The following IL1R1 variants were observed in gnomAD, a reference collection of about 807,000 sequenced individuals.
IL1R1 encodes interleukin-1 receptor type 1.
IL1R1 carries 22 observed loss-of-function variants against 50.2 expected under a neutral mutation model. That is an observed-to-expected ratio of 0.44 (90% CI 0.31 to 0.63). The LOEUF (loss-of-function observed/expected upper bound fraction) is 0.63. Ranked by LOEUF, IL1R1 falls within the 20% of genes least tolerant of loss-of-function variation. The probability of loss-of-function intolerance (pLI) is 0.07; values close to 1 mark genes in which losing one functional copy is unlikely to be tolerated. For missense variants in IL1R1, 509 were observed against 676.2 expected (o/e 0.75, Z 2.74); for synonymous variants, 251 against 236.7 (o/e 1.06, Z -0.55).
intron 1 of IL1R1, among the ~76,000 whole-genome samples, chr2:102,129,352 G>T (rs542198182): frequency 2.6e-5 from 4 of 152,300 alleles, no homozygotes; most frequent in Non-Finnish European, 5.9e-5. Flanking sequence ...ATGGTTATAA[G>T]CATTAAATGT....
At chr2:102,143,972 G>A (rs1302906052) in intron 1 of IL1R1, among the ~76,000 whole-genome samples, 1 of 152,214 alleles carries the variant, frequency 6.6e-6, no homozygotes, top group Non-Finnish European at 1.5e-5. Context: ...TGTCTCAGTC[G>A]CTGCGGTTTG....
At chr2:102,161,866 AT>A (rs552328320) in intron 3 of IL1R1, among the ~76,000 whole-genome samples, 2 of 151,116 alleles carry the variant, frequency 1.3e-5, no homozygotes, top group Admixed American at 6.6e-5. Flanking sequence ...CACCTGGCTG[AT>A]TTTTTTTGTA....
In IL1R1 at chr2:102,172,475, C is replaced by G. The variant is rs1032557663; in HGVS notation, c.840-212C>G. 8.4e-6 allele frequency: 10 copies of G among 1,190,082 alleles called. No homozygotes were observed. In the African/African-American group the frequency reaches 9.4e-5, roughly 11 times the overall value. The allele number at this position is 1,190,082 out of a possible 1,614,324, so 73.7% of individuals were successfully genotyped here. ...GGAAGTGGTAATTTTTTTGCTTTCTCTGCTACTGAGCCTGTTACTGACAGT... is the reference window on the plus strand; with the variant it reads ...GGAAGTGGTAATTTTTTTGCTTTCTGTGCTACTGAGCCTGTTACTGACAGT... On this transcript the variant is annotated intron_variant, in intron 8 of 11. Coordinates refer to ENST00000410023, the MANE Select transcript of IL1R1 (RefSeq NM_000877.4).
At chr2:102,072,483 G>A (rs536247254) in intron 1 of IL1R1, among the ~76,000 whole-genome samples, 4 of 152,218 alleles carry the variant, frequency 2.6e-5, no homozygotes, top group South Asian at 4.2e-4. Context: ...ATTAGAAATC[G>A]TTTAGTCTCT....
intron 1 of IL1R1, among the ~76,000 whole-genome samples, chr2:102,077,036 T>C (rs913630442): frequency 7.2e-5 from 11 of 152,146 alleles, no homozygotes; most frequent in African/African-American, 2.4e-4. Context: ...TTGCCATGTC[T>C]TGAAATTTAC....
chr2:102,125,418 T>G (rs889390786), intron 1 of IL1R1, among the ~76,000 whole-genome samples: 1 of 152,184 alleles, frequency 6.6e-6, no homozygotes, highest in African/African-American at 2.4e-5. Context: ...CTTGATAAAC[T>G]TATTATTGTT....
chr2:102,087,662 T>C (rs1679486185), intron 1 of IL1R1, among the ~76,000 whole-genome samples: 1 of 152,160 alleles, frequency 6.6e-6, no homozygotes, highest in Non-Finnish European at 1.5e-5. Context: ...TCCCCCTTGC[T>C]CTCTCTCCGT....
chr2:102,113,022 G>C (rs969689852), intron 1 of IL1R1, among the ~76,000 whole-genome samples: 1 of 152,080 alleles, frequency 6.6e-6, no homozygotes, highest in Non-Finnish European at 1.5e-5. Context: ...ACCAGACACC[G>C]GATCTGTCAG....
chr2:102,095,108 G>C (rs926385113), intron 1 of IL1R1, among the ~76,000 whole-genome samples: 2 of 152,126 alleles, frequency 1.3e-5, no homozygotes, highest in Non-Finnish European at 2.9e-5. Context: ...TCAGCTTTAG[G>C]CCCCTCCCCC....
chr2:102,134,157 G>T (rs569079613), intron 1 of IL1R1, among the ~76,000 whole-genome samples: 1 of 152,268 alleles, frequency 6.6e-6, no homozygotes, highest in Admixed American at 6.5e-5. Context: ...TGAAAAACAG[G>T]AATAAATCTG....
chr2:102,075,230 T>C (rs1678908551), intron 1 of IL1R1, among the ~76,000 whole-genome samples: 2 of 152,176 alleles, frequency 1.3e-5, no homozygotes, highest in African/African-American at 4.8e-5. Flanking sequence ...TCTGATCTCA[T>C]CCAATCCAGA....
At chr2:102,148,397 A>C (rs186819650) in intron 1 of IL1R1, among the ~76,000 whole-genome samples, 3 of 152,310 alleles carry the variant, frequency 2.0e-5, no homozygotes, top group Non-Finnish European at 4.4e-5. Flanking sequence ...AGAGATTATT[A>C]TGGACATTTA....
chr2:102,143,110 C>G (rs901600498), intron 1 of IL1R1, 90 bp downstream of exon 1: 2 of 152,450 alleles, frequency 1.3e-5, no homozygotes, highest in African/African-American at 4.8e-5. Flanking sequence ...TGCAGGACGC[C>G]GTGAGCGTCC....
chr2:102,151,160 A>G (rs567349580), intron 1 of IL1R1, among the ~76,000 whole-genome samples: 3 of 152,204 alleles, frequency 2.0e-5, no homozygotes, highest in African/African-American at 2.4e-5. Context: ...CTCTAGTCCT[A>G]TTCCTGTAGT....
At chr2:102,170,796 C>A (rs750303542) in intron 7 of IL1R1, among the ~76,000 whole-genome samples, 1 of 152,192 alleles carries the variant, frequency 6.6e-6, no homozygotes, top group East Asian at 1.9e-4. Context: ...CGTGGTGGCT[C>A]AAGCCTGTAA....
upstream of IL1R1, among the ~76,000 whole-genome samples, chr2:102,140,791 G>C (rs532613838): frequency 3.9e-5 from 6 of 152,258 alleles, no homozygotes; most frequent in Non-Finnish European, 5.9e-5. Flanking sequence ...CTGAGTGAGG[G>C]AGAAGGTGAC....
chr2:102,109,619 T>C (rs1383038916), intron 1 of IL1R1, among the ~76,000 whole-genome samples: 1 of 152,188 alleles, frequency 6.6e-6, no homozygotes, highest in Non-Finnish European at 1.5e-5. Context: ...ACCCCTCAAC[T>C]TGGGGATCAG....
chr2:102,124,579 C>T (rs971071796), intron 1 of IL1R1, among the ~76,000 whole-genome samples: 15 of 152,042 alleles, frequency 9.9e-5, no homozygotes, highest in Admixed American at 8.5e-4. Flanking sequence ...TGGTGGCAGG[C>T]GGGAGAAGTG....
At chr2:102,078,562 TCACACACACACACACA>T (rs35407722) in intron 1 of IL1R1, among the ~76,000 whole-genome samples, 1,911 of 104,108 alleles carry the variant, frequency 0.018, 55 homozygotes, top group African/African-American at 0.061. Context: ...TCAAAAAACT[TCACACACACACACACA>T]CACACACACA....
Sources: gnomAD v4.1 joint callset for allele counts (sites outside exome capture counted in the v4.1 genomes callset) on GRCh38, gnomAD v4.1.1 for gene constraint, MANE v1.5 for transcripts, NCBI Gene and HGNC (gene_info 2026-07-23, HGNC 2026-07-21) for gene names.